Variants in SEMA4D observed in about 807,000 individuals in gnomAD.
SEMA4D encodes semaphorin-4D.
In SEMA4D, 22 loss-of-function variants were observed where a neutral mutation model predicts 74.8. That is an observed-to-expected ratio of 0.29 (90% CI 0.21 to 0.42). The LOEUF is 0.42. Among genes scored for constraint, SEMA4D ranks in the 10% least tolerant of loss-of-function variants. SEMA4D has a pLI of 1.00. For missense variants in SEMA4D, 937 were observed against 1,118.4 expected, an observed-to-expected ratio of 0.84 and a Z score of 2.31; for synonymous variants, 445 against 463.7, an observed-to-expected ratio of 0.96 and a Z score of 0.52.
intron 7 of SEMA4D, among the ~76,000 whole-genome samples, 199 bp from the exon 8 acceptor site, chr9:89,392,735 T>C (rs556121587): frequency 6.6e-6 from 1 of 152,122 alleles, no homozygotes; most frequent in African/African-American, 2.4e-5. Context: ...GAGGTTTTTT[T>C]GTTTTGTTTT....
chr9:89,447,024 C>T (rs1213559374), intron 2 of SEMA4D, among the ~76,000 whole-genome samples: 1 of 152,246 alleles, frequency 6.6e-6, no homozygotes, highest in African/African-American at 2.4e-5. Context: ...ATCTGTCCAT[C>T]TCATCTCCCA....
At chr9:89,411,843 T>A (rs1196759744) in intron 2 of SEMA4D, among the ~76,000 whole-genome samples, 1 of 152,192 alleles carries the variant, frequency 6.6e-6, no homozygotes, top group African/African-American at 2.4e-5. Context: ...AAAATAGGAT[T>A]GTTCACCGCA....
At chr9:89,385,614 G>C in intron 13 of SEMA4D, 1 of 963,872 alleles carries the variant, frequency 1.0e-6, no homozygotes, top group Non-Finnish European at 1.2e-6. Flanking sequence ...AGGTGACCAC[G>C]TAAAAGGACC....
At chr9:89,396,492 C>T (rs1161301807) in intron 6 of SEMA4D, among the ~76,000 whole-genome samples, 1 of 152,250 alleles carries the variant, frequency 6.6e-6, no homozygotes, top group Admixed American at 6.5e-5. Flanking sequence ...TTGAGCTGCA[C>T]CCCAGGCCTC....
At chr9:89,371,396 G>A (rs1360020987) in intron 16 of SEMA4D, among the ~76,000 whole-genome samples, 11 of 128,544 alleles carry the variant, frequency 8.6e-5, no homozygotes, top group Non-Finnish European at 1.7e-4. Context: ...TCTGGGGTGT[G>A]GTGTGTGTCT....
At chr9:89,408,137 T>C (rs1161707268) in intron 2 of SEMA4D, among the ~76,000 whole-genome samples, 2 of 152,252 alleles carry the variant, frequency 1.3e-5, no homozygotes, top group Non-Finnish European at 2.9e-5. Context: ...GCCTACAAAG[T>C]TGTGAGAATT....
chr9:89,453,346 T>C (rs1032231773), intron 2 of SEMA4D, among the ~76,000 whole-genome samples: 5 of 152,352 alleles, frequency 3.3e-5, no homozygotes, highest in East Asian at 1.9e-4. Context: ...CATAAGCACA[T>C]GCAAGTGTAA....
At chr9:89,451,635 T>C (rs1237345716) in intron 2 of SEMA4D, among the ~76,000 whole-genome samples, 1 of 152,240 alleles carries the variant, frequency 6.6e-6, no homozygotes, top group East Asian at 1.9e-4. Flanking sequence ...GCTGGGACTT[T>C]GTAGAGAAAG....
downstream of SEMA4D, among the ~76,000 whole-genome samples, chr9:89,373,848 A>T (rs956119068): frequency 6.6e-6 from 1 of 151,782 alleles, no homozygotes. Flanking sequence ...AATGGCACTC[A>T]CTCTCCTCAG....
At chr9:89,457,458 T>G (rs1020051123) in intron 1 of SEMA4D, among the ~76,000 whole-genome samples, 2 of 152,184 alleles carry the variant, frequency 1.3e-5, no homozygotes, top group African/African-American at 4.8e-5. Flanking sequence ...GGAGGTCAGC[T>G]GGGCACAGTG....
At chr9:89,450,908 A>G (rs1159283032) in intron 2 of SEMA4D, among the ~76,000 whole-genome samples, 1 of 152,042 alleles carries the variant, frequency 6.6e-6, no homozygotes, top group Non-Finnish European at 1.5e-5. Context: ...CTCCCTTCCA[A>G]CAACAACCAG....
intron 2 of SEMA4D, chr9:89,450,275 T>C (rs1414230349): frequency 1.1e-5 from 11 of 966,522 alleles, no homozygotes; most frequent in Admixed American, 6.8e-5. Context: ...AGACCAAGGA[T>C]GCAGGAGAGA....
intron 18 of SEMA4D, among the ~76,000 whole-genome samples, chr9:89,362,910 CAGGGAGCCTCT>C (rs909439355): frequency 3.9e-5 from 6 of 152,160 alleles, no homozygotes; most frequent in African/African-American, 7.2e-5. Flanking sequence ...CGTGGGGAGA[CAGGGAGCCTCT>C]AGGGAGCCTC....
chr9:89,484,494 G>A lies in SEMA4D; in HGVS notation c.-310+13425C>T, dbSNP rs909262300. Among the ~76,000 whole-genome samples the A allele has an allele frequency of 4.0e-5, 6 of 151,000 alleles. No individual in the cohort carries two copies. Among genetic ancestry groups the A allele is most frequent in the Admixed American group, 3.3e-4 (5 of 15,162 alleles). On this transcript the variant is annotated intron_variant, in intron 1 of 15. Coordinates refer to ENST00000422704, the MANE Select transcript of SEMA4D (RefSeq NM_001371194.2). The surrounding 1 kb of genome is among the most constrained non-coding windows in gnomAD (Gnocchi z 4.1). ...GTGGCATGGTATGTGTATGTACCACGTGGTGGGTTTGTGTAGTGTGTGTGG... is the reference window on the plus strand; with the variant it reads ...GTGGCATGGTATGTGTATGTACCACATGGTGGGTTTGTGTAGTGTGTGTGG...
At chr9:89,429,688 T>C (rs894631593) in intron 2 of SEMA4D, among the ~76,000 whole-genome samples, 2 of 152,158 alleles carry the variant, frequency 1.3e-5, no homozygotes, top group Non-Finnish European at 2.9e-5. Flanking sequence ...CGGGTGACAG[T>C]GGCCGAGGGA....
chr9:89,461,129 A>C (rs190391607), intron 1 of SEMA4D, among the ~76,000 whole-genome samples: 1 of 152,308 alleles, frequency 6.6e-6, no homozygotes, highest in East Asian at 1.9e-4. Flanking sequence ...ACTGGAGGTC[A>C]GAAAAATGCA....
Position 89,418,247 on chromosome 9 carries a change from C to T in SEMA4D, c.-243-12548G>A, listed in dbSNP as rs1048615172. On this transcript the variant is annotated intron_variant, in intron 2 of 15. Coordinates refer to ENST00000422704, the MANE Select transcript of SEMA4D (RefSeq NM_001371194.2). ...TTTAAACCTTCTAGACTTCCTTAGA[C>T]GCAGGATCAGCTTGGCTTGCATGTG... 38 of 691,856 alleles carry T rather than the reference C, an allele frequency of 5.5e-5. No homozygotes were observed. The Admixed American group carries it at 8.8e-4, about 16-fold the overall frequency. 42.9% of individuals were successfully genotyped at this position (691,856 alleles called of 1,614,324 possible). A position where few individuals can be genotyped will look rare whatever the true frequency, so the allele number is the denominator to read the frequency against.
intron 1 of SEMA4D, chr9:89,497,410 G>C (rs1360147666): frequency 6.6e-6 from 1 of 152,272 alleles, no homozygotes; most frequent in Non-Finnish European, 1.5e-5. Flanking sequence ...CAGTGCACAG[G>C]GTCCGCGGCC....
intron 2 of SEMA4D, among the ~76,000 whole-genome samples, chr9:89,407,022 T>A (rs538004135): frequency 3.4e-4 from 51 of 149,520 alleles, no homozygotes; most frequent in African/African-American, 1.2e-3. Context: ...GGGGCTTGTC[T>A]CCTCCTGTCC....
Sources: gnomAD v4.1 joint callset for allele counts (sites outside exome capture counted in the v4.1 genomes callset) on GRCh38, gnomAD v4.1.1 for gene constraint, Gnocchi (gnomAD v3.1) non-coding constraint, MANE v1.5 for transcripts, NCBI Gene and HGNC (gene_info 2026-07-23, HGNC 2026-07-21) for gene names.